STPG4: variants seen among roughly 807,000 people sequenced by gnomAD.
STPG4 encodes protein STPG4.
STPG4 carries 41 observed loss-of-function variants against 31.5 expected under a neutral mutation model. That is an observed-to-expected ratio of 1.30 (90% confidence interval 1.01 to 1.69). The LOEUF (loss-of-function observed/expected upper bound fraction) is 1.69. Among genes scored for constraint, STPG4 ranks in the 40% most tolerant of loss-of-function variants. The probability of loss-of-function intolerance (pLI) is 0.00; values close to 1 mark genes in which losing one functional copy is unlikely to be tolerated. For synonymous variants in STPG4, 141 were observed against 103.0 expected, an observed-to-expected ratio of 1.37 and a Z score of -2.24; for missense variants, 375 against 293.4, an observed-to-expected ratio of 1.28 and a Z score of -2.03.
chr2:47,148,421 C>G (rs1453679758), intron 3 of STPG4, among the ~76,000 whole-genome samples: 2 of 151,484 alleles, frequency 1.3e-5, no homozygotes, highest in Non-Finnish European at 2.9e-5. Flanking sequence ...GACCCTGAAT[C>G]TAAAATAAAA....
At position 47,132,650 on chromosome 2, in the gene STPG4, C is replaced by T. The variant is rs142849452; in HGVS notation, c.400-2390G>A. 6.4e-3 allele frequency among the ~76,000 whole-genome samples: 973 copies of T among 152,274 alleles called. 5 individuals carry two copies. The highest frequency in any genetic ancestry group is 0.01 in the Middle Eastern group (3 of 294). On this transcript the variant is annotated intron_variant, in intron 3 of 6. Transcript: ENST00000445927. ...CTTGTGTCTTATAGAAGCACAGAAA[C>T]ACAATTTGAACTGGGCATTCCTGGG...
intron 3 of STPG4, among the ~76,000 whole-genome samples, chr2:47,138,540 C>T (rs986603791): frequency 7.3e-5 from 11 of 151,646 alleles, no homozygotes; most frequent in South Asian, 4.2e-4. Flanking sequence ...TACAGGCACC[C>T]GCCACCATGC....
intron 5 of STPG4, among the ~76,000 whole-genome samples, chr2:47,111,168 C>G (rs1283564671): frequency 2.6e-5 from 4 of 152,104 alleles, no homozygotes; most frequent in Non-Finnish European, 5.9e-5. Context: ...CAGCAATAGA[C>G]AAGAAAAGCA....
Position 47,155,308 on chromosome 2 carries a change from T to C in STPG4, c.-57A>G. 2.5e-6 allele frequency: 4 copies of C among 1,586,392 alleles called. No individual in the cohort carries two copies. The highest frequency in any genetic ancestry group is 1.1e-5 in the South Asian group (1 of 90,000). ...AGCTCCGGTTGCTAGGAGGCGGGTG[T>C]GGCCCGTGGGCTCCCGAGCGCGCGC... On this transcript the variant is annotated 5_prime_UTR_variant, in exon 1 of 7. Coordinates refer to ENST00000445927, the MANE Select transcript of STPG4 (RefSeq NM_001163561.2).
chr2:47,114,046 A>T (rs1470093924), intron 5 of STPG4, among the ~76,000 whole-genome samples: 1 of 151,178 alleles, frequency 6.6e-6, no homozygotes, highest in Non-Finnish European at 1.5e-5. Flanking sequence ...AAACAAAAAC[A>T]AAAACAAAAG....
intron 3 of STPG4, among the ~76,000 whole-genome samples, chr2:47,139,503 GC>G (rs1168470068): frequency 6.6e-6 from 1 of 150,914 alleles, no homozygotes; most frequent in Non-Finnish European, 1.5e-5. Flanking sequence ...CTTCTAATAA[GC>G]CTGTTGATCT....
intron 5 of STPG4, among the ~76,000 whole-genome samples, chr2:47,107,481 C>T (rs546611329): frequency 1.8e-4 from 27 of 152,286 alleles, no homozygotes; most frequent in Non-Finnish European, 2.5e-4. Context: ...ACCAGTGCTG[C>T]GCTCGGTTTC....
intron 5 of STPG4, among the ~76,000 whole-genome samples, chr2:47,117,440 C>T (rs1169378691): frequency 6.6e-6 from 1 of 152,136 alleles, no homozygotes; most frequent in Non-Finnish European, 1.5e-5. Context: ...AACTCCTGAC[C>T]TCAGGTGATC....
At chr2:47,154,989 A>G (rs1573206831) in intron 1 of STPG4, among the ~76,000 whole-genome samples, 182 bp downstream of exon 1, 1 of 152,270 alleles carries the variant, frequency 6.6e-6, no homozygotes, top group East Asian at 1.9e-4. Flanking sequence ...AACAAAGGAA[A>G]TGTCCAATAA....
chr2:47,126,039 T>G (rs575556367), intron 5 of STPG4, among the ~76,000 whole-genome samples: 1 of 152,196 alleles, frequency 6.6e-6, no homozygotes, highest in Admixed American at 6.5e-5. Flanking sequence ...TGTAGATATA[T>G]GGATTTATTT....
intron 5 of STPG4, among the ~76,000 whole-genome samples, chr2:47,097,647 C>T (rs1006591865): frequency 6.6e-6 from 1 of 152,192 alleles, no homozygotes; most frequent in Non-Finnish European, 1.5e-5. Context: ...AAGGGGCCCT[C>T]ATCAGACACC....
intron 5 of STPG4, among the ~76,000 whole-genome samples, chr2:47,102,612 C>T (rs1047377880): frequency 1.3e-4 from 19 of 151,914 alleles, no homozygotes; most frequent in Admixed American, 1.0e-3. Flanking sequence ...CAGGAGGACC[C>T]CTCAGCTTAC....
At chr2:47,149,941 A>T (rs1686903079) in intron 3 of STPG4, among the ~76,000 whole-genome samples, 2 of 152,120 alleles carry the variant, frequency 1.3e-5, no homozygotes, top group Admixed American at 1.3e-4. Flanking sequence ...CCTGCCCCTC[A>T]TTCAAGGCGA....
chr2:47,149,669 A>G (rs1049480232), intron 3 of STPG4, among the ~76,000 whole-genome samples: 13 of 152,210 alleles, frequency 8.5e-5, no homozygotes, highest in African/African-American at 3.1e-4. Flanking sequence ...ACTTAATTCA[A>G]CCTTCAGCTG....
chr2:47,090,639 G>C (rs1259321691), intron 5 of STPG4, among the ~76,000 whole-genome samples: 1 of 152,138 alleles, frequency 6.6e-6, no homozygotes, highest in Non-Finnish European at 1.5e-5. Flanking sequence ...TCCCTGCCAG[G>C]GTCCCTGATG....
intron 3 of STPG4, among the ~76,000 whole-genome samples, chr2:47,146,338 C>A (rs112939021): frequency 1.3e-5 from 2 of 152,018 alleles, no homozygotes; most frequent in Non-Finnish European, 2.9e-5. Context: ...CAGAACAGCC[C>A]CCCGCCCCAC....
intron 5 of STPG4, among the ~76,000 whole-genome samples, chr2:47,096,706 C>T (rs575155104): frequency 6.6e-6 from 1 of 152,302 alleles, no homozygotes; most frequent in East Asian, 1.9e-4. Context: ...TTCACTGAAA[C>T]CTGCTGTGAG....
intron 3 of STPG4, among the ~76,000 whole-genome samples, chr2:47,142,535 C>T (rs1686735676): frequency 6.6e-6 from 1 of 152,062 alleles, no homozygotes; most frequent in East Asian, 1.9e-4. Flanking sequence ...GAGTTACTTA[C>T]AAATGGGCAT....
chr2:47,109,322 A>G (rs890735572), intron 5 of STPG4, among the ~76,000 whole-genome samples: 2 of 152,148 alleles, frequency 1.3e-5, no homozygotes, highest in African/African-American at 4.8e-5. Flanking sequence ...TTTGGGAGGC[A>G]GAGGTGGGCA....
Sources: gnomAD v4.1 joint callset for allele counts (sites outside exome capture counted in the v4.1 genomes callset) on GRCh38, gnomAD v4.1.1 for gene constraint, MANE v1.5 for transcripts, NCBI Gene and HGNC (gene_info 2026-07-23, HGNC 2026-07-21) for gene names.